Variants in CDK13 observed in about 807,000 individuals in gnomAD.
The protein encoded by CDK13 is cyclin-dependent kinase 13.
A neutral mutation model predicts 137.6 loss-of-function variants in CDK13; 40 were observed. That is an observed-to-expected ratio of 0.29 (90% CI 0.23 to 0.38). The LOEUF (loss-of-function observed/expected upper bound fraction) is 0.38, where lower values mean the gene tolerates loss of function less well. CDK13 is among the 10% of genes least tolerant of loss of function. The pLI is 1.00. For missense variants in CDK13, 1,704 were observed against 1,951.8 expected (o/e 0.87, Z 2.39); for synonymous variants, 869 against 760.1 (o/e 1.14, Z -2.36).
chr7:40,069,050 G>A (rs1786351119), intron 9 of CDK13, among the ~76,000 whole-genome samples: 1 of 151,958 alleles, frequency 6.6e-6, no homozygotes, highest in Admixed American at 6.6e-5. Context: ...CCTGGGCAAC[G>A]TGGCCAAACC....
chr7:39,989,419 T>C (rs1784411683), intron 2 of CDK13, among the ~76,000 whole-genome samples: 1 of 151,986 alleles, frequency 6.6e-6, no homozygotes, highest in Admixed American at 6.6e-5. Context: ...TTTAATAGAT[T>C]TTGAAGTCAG....
rs147584903 is a variant in CDK13 at position 40,030,741 on chromosome 7, C to T, written c.2354-15095C>T. ...AACTTTATCCATAGTTTTGCCTTTT[C>T]AGAATGTCATGTAGTTGGAATCATA... On this transcript the variant is annotated intron_variant, in intron 5 of 13. Transcript: ENST00000181839. Among the ~76,000 whole-genome samples, 5 of 151,958 alleles carry T rather than the reference C, an allele frequency of 3.3e-5. No individual in the cohort carries two copies. In the East Asian group the frequency reaches 9.7e-4, roughly 29 times the overall value.
At chr7:40,018,614 A>G (rs990110727) in intron 5 of CDK13, among the ~76,000 whole-genome samples, 4 of 152,196 alleles carry the variant, frequency 2.6e-5, no homozygotes, top group African/African-American at 9.7e-5. Context: ...TGCAACTTGG[A>G]TGGAACTGGA....
chr7:40,011,812 C>T (rs1784900561), intron 5 of CDK13, among the ~76,000 whole-genome samples: 2 of 152,162 alleles, frequency 1.3e-5, no homozygotes, highest in African/African-American at 4.8e-5. Context: ...TACTTTTGTC[C>T]TTTAGGTGGA....
chr7:39,997,763 G>A (rs991751938), intron 3 of CDK13, 99 bp downstream of exon 3: 13 of 861,870 alleles, frequency 1.5e-5, no homozygotes, highest in Admixed American at 2.9e-5. Flanking sequence ...AATAAAAAAT[G>A]TACTTATTCT....
chr7:39,979,540 T>C (rs979824536), intron 1 of CDK13, among the ~76,000 whole-genome samples: 3 of 152,078 alleles, frequency 2.0e-5, no homozygotes, highest in African/African-American at 7.2e-5. Context: ...TTTTTTAAGA[T>C]GATATGGTAC....
At chr7:40,087,176 T>A (rs1223685906) in intron 11 of CDK13, among the ~76,000 whole-genome samples, 4 of 152,030 alleles carry the variant, frequency 2.6e-5, no homozygotes, top group African/African-American at 4.8e-5. Flanking sequence ...CAGGGCCTGG[T>A]TCTGTCGCCT....
chr7:40,042,835 A>G (rs1170645443), intron 5 of CDK13, among the ~76,000 whole-genome samples: 1 of 151,100 alleles, frequency 6.6e-6, no homozygotes, highest in Non-Finnish European at 1.5e-5. Context: ...CCAGGCTGGA[A>G]TGCAGTGGCC....
chr7:40,090,416 C>T (rs373245043), intron 12 of CDK13, among the ~76,000 whole-genome samples: 19 of 152,256 alleles, frequency 1.2e-4, no homozygotes, highest in African/African-American at 4.1e-4. Context: ...TACAGTGACA[C>T]GATCTCAGCT....
chr7:39,994,867 A>G (rs1562718261), intron 2 of CDK13, among the ~76,000 whole-genome samples: 1 of 151,588 alleles, frequency 6.6e-6, no homozygotes, highest in Non-Finnish European at 1.5e-5. Flanking sequence ...TTTTGCCGTT[A>G]TTCTTAGACA....
chr7:39,961,634 CT>C (rs35062975), intron 1 of CDK13, among the ~76,000 whole-genome samples: 17,767 of 147,074 alleles, frequency 0.12, 3,366 homozygotes, highest in African/African-American at 0.4. Context: ...TAATTTACTT[CT>C]TTTTTTTTTT....
chr7:40,057,268 A>T (rs1474351064), intron 7 of CDK13, among the ~76,000 whole-genome samples: 6 of 152,102 alleles, frequency 3.9e-5, no homozygotes, highest in South Asian at 4.1e-4. Context: ...GAAAAAAAAA[A>T]TTTTGAGCAG....
At chr7:40,035,769 T>C (rs1785468209) in intron 5 of CDK13, among the ~76,000 whole-genome samples, 1 of 140,630 alleles carries the variant, frequency 7.1e-6, no homozygotes, top group Non-Finnish European at 1.5e-5. Flanking sequence ...AAACCATCCC[T>C]CCACCCACCC....
chr7:39,976,001 C>T (rs1257058627), intron 1 of CDK13, among the ~76,000 whole-genome samples: 1 of 152,032 alleles, frequency 6.6e-6, no homozygotes, highest in Non-Finnish European at 1.5e-5. Context: ...TTTAGCTTGA[C>T]CCATGCAAAA....
intron 5 of CDK13, among the ~76,000 whole-genome samples, chr7:40,024,817 G>C (rs1324628011): frequency 2.6e-5 from 4 of 152,002 alleles, no homozygotes; most frequent in Non-Finnish European, 5.9e-5. Flanking sequence ...GTGTGCGCCA[G>C]CACGCCTGGC....
At chr7:39,952,105 TAA>T (rs1787242041) in intron 1 of CDK13, 2 of 380,002 alleles carry the variant, frequency 5.3e-6, no homozygotes, top group Non-Finnish European at 9.3e-6. Context: ...AAGGAAGAAT[TAA>T]AAGTTTCAGA....
chr7:39,976,323 T>TCTCTCTCTCTCTCTCCCACACACA, intron 1 of CDK13, among the ~76,000 whole-genome samples: 1 of 39,548 alleles, frequency 2.5e-5, no homozygotes. Flanking sequence ...TCTCTCTCTC[T>TCTCTCTCTCTCTCTCCCACACACA]CACACACACA....
At chr7:40,053,838 G>A (rs184732315) in intron 7 of CDK13, among the ~76,000 whole-genome samples, 1 of 151,182 alleles carries the variant, frequency 6.6e-6, no homozygotes, top group African/African-American at 2.4e-5. Flanking sequence ...ATTATACATA[G>A]TTTCCTTTCA....
At chr7:40,035,063 T>G (rs898515252) in intron 5 of CDK13, among the ~76,000 whole-genome samples, 2 of 152,166 alleles carry the variant, frequency 1.3e-5, no homozygotes, top group African/African-American at 2.4e-5. Flanking sequence ...ACTTATCTGT[T>G]CACACAGATA....
Sources: allele counts gnomAD v4.1 joint callset (sites outside exome capture counted in the v4.1 genomes callset), GRCh38; gene constraint gnomAD v4.1.1; transcripts MANE v1.5; gene names NCBI Gene and HGNC (gene_info 2026-07-23, HGNC 2026-07-21).